DOCK9: variants seen among roughly 807,000 people sequenced by gnomAD.
DOCK9 encodes the protein dedicator of cytokinesis protein 9.
A neutral mutation model predicts 263.3 loss-of-function variants in DOCK9; 89 were observed. The observed-to-expected ratio is 0.34, with a 90% CI of 0.28 to 0.40. The LOEUF (loss-of-function observed/expected upper bound fraction) is 0.40, where lower values mean the gene tolerates loss of function less well. Ranked by LOEUF, DOCK9 falls within the 10% of genes least tolerant of loss-of-function variation. The probability of loss-of-function intolerance (pLI) is 1.00; values close to 1 mark genes in which losing one functional copy is unlikely to be tolerated. For missense variants in DOCK9, 2,140 were observed against 2,603.4 expected (o/e 0.82, Z 3.87); for synonymous variants, 976 against 973.1 (o/e 1.00, Z -0.06).
chr13:98,930,127 A>G, intron 3 of DOCK9, 41 bp downstream of exon 3: 1 of 1,556,648 alleles, frequency 6.4e-7, no homozygotes, highest in Non-Finnish European at 8.7e-7. Context: ...GTTAGGGGAA[A>G]ATGACTTCAA....
chr13:98,903,004 C>A lies in DOCK9; in HGVS notation c.1144G>T (p.Val382Phe). ...NDLSFNLQCC[V>F]AENEEGPTTN... is the part of the protein sequence containing the mutation. ...GTGGGTCCTTCTTCATTTTCGGCAA[C>A]ACAGCATTGCAAATTGAAAGATAAA... The change falls in exon 11 of 53, where the codon GTT becomes TTT. Residue 382 changes from valine to phenylalanine, a missense_variant. Val to Phe is a conservative substitution (Grantham distance 50). Around this residue, in one of 2 missense-constraint regions of DOCK9, gnomAD observed 1,521 missense variants for 1,741.7 expected, o/e 0.87. Transcript: ENST00000682017. The A allele has an allele frequency of 6.6e-7, 1 of 1,526,588 alleles. No homozygotes were observed. The allele number at this position is 1,526,588 out of a possible 1,614,324, so 94.6% of individuals were successfully genotyped here.
intron 1 of DOCK9, among the ~76,000 whole-genome samples, chr13:98,990,802 A>T (rs74111839): frequency 0.028 from 4,198 of 152,328 alleles, 179 homozygotes; most frequent in African/African-American, 0.096. Context: ...GTCATACTGT[A>T]TGCAACCCAG....
chr13:98,907,274 T>C (rs1352022207), intron 9 of DOCK9, among the ~76,000 whole-genome samples: 1 of 152,206 alleles, frequency 6.6e-6, no homozygotes, highest in Non-Finnish European at 1.5e-5. Flanking sequence ...TTCTGAATCG[T>C]CCGCTTGAGC....
intron 1 of DOCK9, among the ~76,000 whole-genome samples, chr13:98,970,660 G>C (rs1418135829): frequency 6.6e-6 from 1 of 152,196 alleles, no homozygotes; most frequent in Non-Finnish European, 1.5e-5. Flanking sequence ...TCAGGAAAGG[G>C]AACGCTGAAA....
At chr13:98,892,728 CA>C (rs1263553121) in intron 15 of DOCK9, among the ~76,000 whole-genome samples, 3 of 152,128 alleles carry the variant, frequency 2.0e-5, no homozygotes, top group African/African-American at 7.2e-5. Context: ...CATATGAGGG[CA>C]ATCACTTTCA....
chr13:99,070,695 G>A (rs1052470853), intron 1 of DOCK9, among the ~76,000 whole-genome samples: 1 of 152,202 alleles, frequency 6.6e-6, no homozygotes, highest in African/African-American at 2.4e-5. Context: ...AAACTGAGAA[G>A]GCAGAACTAG....
rs2094100236 is a variant in DOCK9 at position 98,868,376 on chromosome 13, A to G, written c.2945T>C (p.Leu982Ser). The G allele has an allele frequency of 6.2e-7, 1 of 1,608,676 alleles. No homozygotes were observed. Among genetic ancestry groups the G allele is most frequent in the South Asian group, 1.1e-5 (1 of 89,640 alleles). Residue 982 changes from leucine to serine, a missense_variant and splice_region_variant, in exon 28 of 53, where the codon TTG becomes TCG. By Grantham distance (145) the Leu-to-Ser change is moderately radical (BLOSUM62 -2). Coordinates refer to ENST00000682017, the MANE Select transcript of DOCK9 (RefSeq NM_001366683.2). ...QHLIENSKVK[L>S]LRNQRFPASY... ...TGCAGGAAATCTCTGGTTTCGCAGC[A>G]ACTAAAAAGAATTCAGAGCAAACAT... is the stretch of plus-strand genomic sequence containing the variant.
At chr13:98,907,686 G>A (rs534439355) in intron 9 of DOCK9, among the ~76,000 whole-genome samples, 4 of 152,206 alleles carry the variant, frequency 2.6e-5, no homozygotes, top group East Asian at 3.9e-4. Flanking sequence ...TAAATAAAAA[G>A]CAAATTCGGC....
rs146787958 is a variant in DOCK9 at position 98,897,360 on chromosome 13, G to A, written c.1709+128C>T. ...TTTCTTCTCAAGGGTTTGAGGAAAT[G>A]CTTCACGCTCATTTGCCATCCCCTC... On this transcript the variant is annotated intron_variant, in intron 15 of 52. Coordinates refer to ENST00000682017, the MANE Select transcript of DOCK9 (RefSeq NM_001366683.2). 3.2e-5 allele frequency: 37 copies of A among 1,160,002 alleles called. No homozygotes were observed. In the African/African-American group the frequency reaches 5.1e-4, roughly 16 times the overall value. The allele number at this position is 1,160,002 out of a possible 1,614,324, so 71.9% of individuals were successfully genotyped here. A position where few individuals can be genotyped will look rare whatever the true frequency, so the allele number is the denominator to read the frequency against.
rs1269116641 is a variant in DOCK9, at chr13:98,915,319, G to A, written c.892+10C>T. ...TGTGTATGTGCCTGGGGGAAGCCAA[G>A]CCTATCTACCTTCGTGAGAGTCGCC... On this transcript the variant is annotated intron_variant, in intron 8 of 52. Coordinates refer to ENST00000682017, the MANE Select transcript of DOCK9 (RefSeq NM_001366683.2). The A allele has an allele frequency of 6.2e-7, 1 of 1,612,040 alleles. No homozygotes were observed. Among genetic ancestry groups the A allele is most frequent in the Non-Finnish European group, 8.5e-7 (1 of 1,179,114 alleles).
At chr13:99,025,718 A>AT (rs1356768268) in intron 1 of DOCK9, among the ~76,000 whole-genome samples, 11 of 152,384 alleles carry the variant, frequency 7.2e-5, no homozygotes, top group African/African-American at 2.4e-4. Flanking sequence ...CGTTGAAAAT[A>AT]TATGTTCCCA....
Position 99,059,747 on chromosome 13 carries a change from G to A in DOCK9, c.129+26476C>T, listed in dbSNP as rs116202909. Among the ~76,000 whole-genome samples, 1,353 of 152,198 alleles carry A rather than the reference G, an allele frequency of 8.9e-3. 16 individuals are homozygous for A. The highest frequency in any genetic ancestry group is 0.031 in the African/African-American group (1,293 of 41,524). ...TTTTACTATATATCCACAAAGTCAT[G>A]CAATCATCATAACAATCTAATTTTC... On this transcript the variant is annotated intron_variant, in intron 1 of 32. Transcript: ENST00000427887.
chr13:99,020,189 C>T (rs950954324), intron 1 of DOCK9, among the ~76,000 whole-genome samples: 2 of 152,202 alleles, frequency 1.3e-5, no homozygotes, highest in African/African-American at 4.8e-5. Context: ...AATAAGGTAA[C>T]AGGAGAGAAC....
intron 1 of DOCK9, among the ~76,000 whole-genome samples, chr13:98,957,254 G>A (rs1567090227): frequency 6.6e-6 from 1 of 152,188 alleles, no homozygotes; most frequent in African/African-American, 2.4e-5. Context: ...AATGCCCCAG[G>A]AGCAAGAACT....
chr13:98,930,490 C>T (rs2053742429), intron 2 of DOCK9, among the ~76,000 whole-genome samples: 1 of 152,230 alleles, frequency 6.6e-6, no homozygotes, highest in Non-Finnish European at 1.5e-5. Context: ...CAGGGGCCCA[C>T]AGATCCCTCC....
chr13:98,891,554 A>G (rs1314010976), intron 15 of DOCK9, among the ~76,000 whole-genome samples: 1 of 152,198 alleles, frequency 6.6e-6, no homozygotes, highest in Non-Finnish European at 1.5e-5. Context: ...TCCTCCACAT[A>G]TAAATTTTTG....
chr13:98,923,254 G>T (rs2052368650), intron 5 of DOCK9, 48 bp downstream of exon 5: 2 of 1,555,898 alleles, frequency 1.3e-6, no homozygotes, highest in Non-Finnish European at 1.8e-6. Flanking sequence ...TAAAATTGAT[G>T]TTTAAATCTA....
intron 1 of DOCK9, among the ~76,000 whole-genome samples, chr13:99,065,188 G>A (rs1473730186): frequency 6.6e-6 from 1 of 152,146 alleles, no homozygotes. Context: ...AAAATTCATT[G>A]AATAAATAAA....
chr13:98,885,752 G>C lies in DOCK9; in HGVS notation c.2216C>G (p.Ser739Ter). Residue 739 changes from serine to a stop codon, truncating the protein, a stop_gained, in exon 20 of 53, where the codon TCA (serine) becomes TGA (stop). Transcript: ENST00000682017. LOFTEE classifies it high-confidence loss of function. Reference sequence around the variant, plus strand: ...CCTCTTCTTCGTGCTTCCTTTACTTGAGTTGTCACAGCTGACATGGAAGAA... The same window carrying C: ...CCTCTTCTTCGTGCTTCCTTTACTTCAGTTGTCACAGCTGACATGGAAGAA... ...LTFFHVSCDN[S>*]SKGSTKKRDV... 6.2e-7 allele frequency: 1 copy of C among 1,612,126 alleles called. No homozygotes were observed. Among genetic ancestry groups the C allele is most frequent in the Non-Finnish European group, 8.5e-7 (1 of 1,179,420 alleles).
Sources: allele counts gnomAD v4.1 joint callset (sites outside exome capture counted in the v4.1 genomes callset), GRCh38; gene constraint gnomAD v4.1.1; regional missense constraint gnomAD v4.1.1; transcripts MANE v1.5; gene names NCBI Gene and HGNC (gene_info 2026-07-23, HGNC 2026-07-21).